MRTFA: variants seen among roughly 807,000 people sequenced by gnomAD.
The protein encoded by MRTFA is myocardin related transcription factor A, also known as myocardin-related transcription factor A.
MRTFA carries 20 observed loss-of-function variants against 83.5 expected under a neutral mutation model. The ratio of observed to expected loss-of-function variants is 0.24; its 90% CI spans 0.17 to 0.35. MRTFA has a LOEUF of 0.35. Among genes scored for constraint, MRTFA ranks in the 10% least tolerant of loss-of-function variants. MRTFA has a pLI of 1.00. For synonymous variants in MRTFA, 659 were observed against 541.2 expected, an observed-to-expected ratio of 1.22 and a Z score of -3.02; for missense variants, 1,200 against 1,224.7, an observed-to-expected ratio of 0.98 and a Z score of 0.30.
chr22:40,623,692 T>C (rs1486285070), intron 1 of MRTFA, among the ~76,000 whole-genome samples: 1 of 152,242 alleles, frequency 6.6e-6, no homozygotes, highest in Admixed American at 6.5e-5. Flanking sequence ...TAACTGTGGT[T>C]AGTGCTACAA....
intron 3 of MRTFA, among the ~76,000 whole-genome samples, chr22:40,542,765 A>G (rs972623490): frequency 6.6e-6 from 1 of 152,264 alleles, no homozygotes; most frequent in African/African-American, 2.4e-5. Context: ...CCATTAAAAA[A>G]GGCTACTTAT....
chr22:40,616,154 G>A (rs1044983914), intron 1 of MRTFA, among the ~76,000 whole-genome samples: 3 of 152,084 alleles, frequency 2.0e-5, no homozygotes, highest in Non-Finnish European at 4.4e-5. Context: ...AAAGAAATCA[G>A]AAGATCAGCA....
In MRTFA at chr22:40,410,633, C is replaced by T. The variant is rs1569242016; in HGVS notation, c.*757G>A. The stretch of plus-strand genomic sequence containing the variant: ...GGCATAGGCCGTGGCAGGGTACCTA[C>T]ATGTCAATCACACGTGATGGGTGGG... On this transcript the variant is annotated 3_prime_UTR_variant, in exon 15 of 15. Transcript: ENST00000355630. The T allele has an allele frequency of 4.3e-6, 1 of 233,428 alleles. No individual in the cohort carries two copies. The highest frequency in any genetic ancestry group is 2.2e-5 in the African/African-American group (1 of 45,440). The allele number at this position is 233,428 out of a possible 1,614,324, so 14.5% of individuals were successfully genotyped here.
At chr22:40,475,215 T>C (rs997963506) in intron 3 of MRTFA, among the ~76,000 whole-genome samples, 1 of 152,146 alleles carries the variant, frequency 6.6e-6, no homozygotes, top group Admixed American at 6.6e-5. Flanking sequence ...TACACAGATT[T>C]GTATCTCTAA....
intron 2 of MRTFA, among the ~76,000 whole-genome samples, chr22:40,589,608 T>G (rs777278854): frequency 6.6e-6 from 1 of 152,194 alleles, no homozygotes; most frequent in Non-Finnish European, 1.5e-5. Flanking sequence ...GTCTACTACA[T>G]GCTAATAATG....
At chr22:40,431,550 C>T in intron 5 of MRTFA, 70 bp from the exon 6 acceptor site, 5 of 1,450,128 alleles carry the variant, frequency 3.4e-6, no homozygotes, top group African/African-American at 1.4e-5. Context: ...AGGATCACAA[C>T]AGCAGCCTTG....
intron 1 of MRTFA, among the ~76,000 whole-genome samples, chr22:40,610,043 CTTTT>C (rs966206904): frequency 8.0e-6 from 1 of 124,600 alleles, no homozygotes. Context: ...TTTTTTTTCT[CTTTT>C]TTTTTTTTTT....
intron 2 of MRTFA, among the ~76,000 whole-genome samples, chr22:40,594,073 A>G (rs9607732): frequency 0.039 from 5,938 of 152,328 alleles, 155 homozygotes; most frequent in Middle Eastern, 0.075. Flanking sequence ...CCAAAGCTCT[A>G]TCTGGTGTAC....
At chr22:40,427,331 G>T (rs1019212441) in intron 7 of MRTFA, among the ~76,000 whole-genome samples, 1 of 152,156 alleles carries the variant, frequency 6.6e-6, no homozygotes. Flanking sequence ...GCCCAGTGTG[G>T]GCCAGCCTCC....
Position 40,411,757 on chromosome 22 carries a change from A to G in MRTFA, c.2729T>C (p.Leu910Pro), listed in dbSNP as rs763963299. The G allele has an allele frequency of 5.8e-6, 9 of 1,543,110 alleles. No individual in the cohort carries two copies. Among genetic ancestry groups the G allele is most frequent in the Admixed American group, 1.9e-5 (1 of 53,598 alleles). Residue 910 changes from leucine (L) to proline (P), a missense_variant, in exon 15 of 15, where the codon CTC becomes CCC. Leu to Pro is a moderately conservative substitution (Grantham distance 98, BLOSUM62 -3). This residue lies in a region of MRTFA where 1,107 missense variants were observed against 1,041.8 expected (regional missense o/e 1.06). Transcript: ENST00000355630. ...CAGGAAGTCCTCCAGGCGTCCAGGG[A>G]GGGAGGGTGAGCCTGGAGGAGGTGG...
intron 3 of MRTFA, among the ~76,000 whole-genome samples, chr22:40,524,364 C>G (rs553309445): frequency 7.8e-4 from 119 of 152,286 alleles, no homozygotes; most frequent in African/African-American, 2.8e-3. Flanking sequence ...ATGCCTACAA[C>G]AAATCAGATT....
chr22:40,584,944 C>G (rs1345317947), intron 2 of MRTFA, among the ~76,000 whole-genome samples: 1 of 152,082 alleles, frequency 6.6e-6, no homozygotes, highest in South Asian at 2.1e-4. Context: ...ACCTGAGAGT[C>G]TGCGGTGGTA....
rs372670759 is a variant in MRTFA at position 40,420,411 on chromosome 22, G to A, written c.1347C>T (p.Asp449=). Reference sequence around the variant, plus strand: ...TTTTCCAGTGGCCATGTACCTTCATGTCGTCCAGGTTGGCCGGCAGGGCTC... The same window carrying A: ...TTTTCCAGTGGCCATGTACCTTCATATCGTCCAGGTTGGCCGGCAGGGCTC... The change falls in exon 11 of 15, where the codon GAC becomes GAT. Residue 449 remains aspartate, a synonymous_variant. Transcript: ENST00000355630. 3.1e-6 allele frequency: 5 copies of A among 1,613,090 alleles called. No individual in the cohort carries two copies. The African/African-American group carries it at 6.7e-5, about 22-fold the overall frequency.
At chr22:40,462,912 A>C (rs1224713056) in intron 4 of MRTFA, among the ~76,000 whole-genome samples, 1 of 152,262 alleles carries the variant, frequency 6.6e-6, no homozygotes, top group Non-Finnish European at 1.5e-5. Flanking sequence ...TATAAAGGGA[A>C]GTATAACAGA....
At chr22:40,424,500 G>A (rs2052912444) in intron 7 of MRTFA, 119 bp from the exon 8 acceptor site, 3 of 1,092,100 alleles carry the variant, frequency 2.7e-6, no homozygotes, top group African/African-American at 1.6e-5. Context: ...TGCCCCGTGA[G>A]GCAGGCAAGC....
intron 2 of MRTFA, among the ~76,000 whole-genome samples, chr22:40,578,976 T>C (rs1427910747): frequency 6.6e-6 from 1 of 152,038 alleles, no homozygotes; most frequent in Non-Finnish European, 1.5e-5. Context: ...AGTGTGGTGG[T>C]GCATGCCCAT....
chr22:40,561,742 G>C (rs1308696020), intron 2 of MRTFA, among the ~76,000 whole-genome samples: 1 of 152,196 alleles, frequency 6.6e-6, no homozygotes, highest in African/African-American at 2.4e-5. Flanking sequence ...TAATGTGGCA[G>C]ATTAAAGATG....
chr22:40,562,994 C>T (rs1055587254), intron 2 of MRTFA, among the ~76,000 whole-genome samples: 2 of 152,130 alleles, frequency 1.3e-5, no homozygotes, highest in African/African-American at 4.8e-5. Flanking sequence ...TTGCTCACTT[C>T]ACCTCCTCTT....
intron 13 of MRTFA, 70 bp from the exon 14 acceptor site, chr22:40,417,116 T>C: frequency 6.7e-7 from 1 of 1,498,050 alleles, no homozygotes; most frequent in Non-Finnish European, 9.0e-7. Context: ...GAACTACGAA[T>C]GAGGCCCCTC....
Sources: gnomAD v4.1 joint callset for allele counts (sites outside exome capture counted in the v4.1 genomes callset) on GRCh38, gnomAD v4.1.1 for gene constraint, gnomAD v4.1.1 regional missense constraint, MANE v1.5 for transcripts, NCBI Gene and HGNC (gene_info 2026-07-23, HGNC 2026-07-21) for gene names.